The following MXD1 variants were observed in gnomAD, a reference collection of about 807,000 sequenced individuals.
MXD1 encodes the protein MAX-binding protein.
Under a neutral mutation model 25.7 loss-of-function variants are expected in MXD1, and 9 were observed. The ratio of observed to expected loss-of-function variants is 0.35; its 90% CI spans 0.21 to 0.61. The LOEUF (loss-of-function observed/expected upper bound fraction) is 0.61, where lower values mean the gene tolerates loss of function less well. Ranked by LOEUF, MXD1 falls within the 20% of genes least tolerant of loss-of-function variation. The pLI is 0.75. For missense variants in MXD1, 227 were observed against 292.4 expected (o/e 0.78, Z 1.63); for synonymous variants, 99 against 113.9 (o/e 0.87, Z 0.83).
At chr2:69,936,596 C>A (rs184266933) in intron 4 of MXD1, among the ~76,000 whole-genome samples, 23 of 152,268 alleles carry the variant, frequency 1.5e-4, no homozygotes, top group Non-Finnish European at 1.3e-4. Flanking sequence ...AGCAAAACAG[C>A]TACAATTAAA....
intron 2 of MXD1, among the ~76,000 whole-genome samples, chr2:69,920,570 T>A (rs548522104): frequency 5.9e-5 from 9 of 152,008 alleles, no homozygotes; most frequent in Non-Finnish European, 1.3e-4. Context: ...GTGCCCCTGA[T>A]GTAAATGAGT....
In MXD1 at chr2:69,942,669, C is replaced by T. The variant is rs779886955; in HGVS notation, c.*4385C>T. 1.3e-5 allele frequency: 2 copies of T among 152,164 alleles called. No individual in the cohort carries two copies. Among genetic ancestry groups the T allele is most frequent in the Non-Finnish European group, 2.9e-5 (2 of 68,042 alleles). 9.4% of individuals were successfully genotyped at this position (152,164 alleles called of 1,614,324 possible). On this transcript the variant is annotated 3_prime_UTR_variant, in exon 6 of 6. Coordinates refer to ENST00000264444, the MANE Select transcript of MXD1 (RefSeq NM_002357.4). ...TGGTGCTCTTGGAATATTGCTGTTACCATCATTTTTGGGGGGCCATCTTCC... is the reference window on the plus strand; with the variant it reads ...TGGTGCTCTTGGAATATTGCTGTTATCATCATTTTTGGGGGGCCATCTTCC...
chr2:69,927,377 A>G (rs1251759949), intron 3 of MXD1, among the ~76,000 whole-genome samples: 1 of 152,186 alleles, frequency 6.6e-6, no homozygotes, highest in Non-Finnish European at 1.5e-5. Flanking sequence ...ACATGGGGTA[A>G]GGTTATTACG....
rs1396924664 is a variant in MXD1 at position 69,940,929 on chromosome 2, C to T, written c.*2645C>T. ...CCTGATTCGCCAATTTGTCCTCTCT[C>T]ATTCACTGATCCACCAGCCTGACTG... On this transcript the variant is annotated 3_prime_UTR_variant, in exon 6 of 6. Transcript: ENST00000264444. 6.6e-6 allele frequency: 1 copy of T among 152,664 alleles called. No individual in the cohort carries two copies. Among genetic ancestry groups the T allele is most frequent in the Non-Finnish European group, 1.5e-5 (1 of 68,060 alleles). 9.5% of individuals were successfully genotyped at this position (152,664 alleles called of 1,614,324 possible). A position where few individuals can be genotyped will look rare whatever the true frequency, so the allele number is the denominator to read the frequency against.
rs188711237 is a variant in MXD1, at chr2:69,942,065, G to T, written c.*3781G>T. 3 of 152,068 alleles carry T rather than the reference G, an allele frequency of 2.0e-5. No individual in the cohort carries two copies. The highest frequency in any genetic ancestry group is 2.1e-4 in the South Asian group (1 of 4,832). The allele number at this position is 152,068 out of a possible 1,614,324, so 9.4% of individuals were successfully genotyped here. ...GTTTCTTCTTTGTTTCCCCAAGTTT[G>T]TCTGTCCCCCTTTGCCTTCCCTGAG... On this transcript the variant is annotated 3_prime_UTR_variant, in exon 6 of 6. Coordinates refer to ENST00000264444, the MANE Select transcript of MXD1 (RefSeq NM_002357.4).
chr2:69,933,440 T>C (rs558349041), intron 3 of MXD1, among the ~76,000 whole-genome samples: 2 of 152,196 alleles, frequency 1.3e-5, no homozygotes, highest in Non-Finnish European at 2.9e-5. Context: ...AGCACACCTG[T>C]AACATGAGTC....
At chr2:69,920,117 T>G (rs1048821285) in intron 2 of MXD1, among the ~76,000 whole-genome samples, 4 of 151,962 alleles carry the variant, frequency 2.6e-5, no homozygotes, top group African/African-American at 9.7e-5. Flanking sequence ...TTCAAGGGAG[T>G]AGCTGGGATT....
At chr2:69,918,717 GT>G (rs774769051) in intron 2 of MXD1, among the ~76,000 whole-genome samples, 7 of 151,584 alleles carry the variant, frequency 4.6e-5, no homozygotes, top group Non-Finnish European at 5.9e-5. Context: ...ATTTGGCTTA[GT>G]TTTTTTTTAT....
intron 2 of MXD1, among the ~76,000 whole-genome samples, chr2:69,920,431 T>A (rs774068960): frequency 1.4e-4 from 22 of 152,140 alleles, no homozygotes; most frequent in Non-Finnish European, 3.1e-4. Flanking sequence ...ATTCCTAAGA[T>A]CCCTGTGAAA....
chr2:69,932,420 G>C (rs1388543927), intron 3 of MXD1, among the ~76,000 whole-genome samples: 2 of 152,224 alleles, frequency 1.3e-5, no homozygotes, highest in Non-Finnish European at 2.9e-5. Flanking sequence ...ATGTCTGCAG[G>C]CAGTGGCATG....
intron 3 of MXD1, among the ~76,000 whole-genome samples, chr2:69,930,079 A>G (rs1487574281): frequency 1.3e-5 from 2 of 152,196 alleles, no homozygotes; most frequent in Non-Finnish European, 2.9e-5. Flanking sequence ...TTAAATTTGT[A>G]AACAAACTTG....
chr2:69,934,439 T>C (rs1677371990), intron 3 of MXD1, among the ~76,000 whole-genome samples: 3 of 152,252 alleles, frequency 2.0e-5, no homozygotes, highest in African/African-American at 7.2e-5. Flanking sequence ...TTGCCGTGGC[T>C]GCTGCTTCAT....
chr2:69,941,863 T>TATAC lies in MXD1; in HGVS notation c.*3580_*3581insTACA, dbSNP rs1553380705. 654 of 144,796 alleles carry TATAC rather than the reference T, an allele frequency of 4.5e-3. 3 individuals carry two copies. Among genetic ancestry groups the TATAC allele is most frequent in the African/African-American group, 0.016 (615 of 38,504 alleles). The allele number at this position is 144,796 out of a possible 1,614,324, so 9.0% of individuals were successfully genotyped here. ...CTTATTTTTGAAAAGTATCTATATA[T>TATAC]ACACACACACACACACACACACATA... On this transcript the variant is annotated 3_prime_UTR_variant, in exon 6 of 6. Transcript: ENST00000264444.
At chr2:69,934,931 A>T (rs1284131520) in intron 3 of MXD1, among the ~76,000 whole-genome samples, 1 of 152,186 alleles carries the variant, frequency 6.6e-6, no homozygotes, top group Non-Finnish European at 1.5e-5. Context: ...TTGACTTATG[A>T]TGGGGTTATG....
At chr2:69,917,017 T>G (rs868769837) in intron 2 of MXD1, among the ~76,000 whole-genome samples, 5 of 152,202 alleles carry the variant, frequency 3.3e-5, no homozygotes, top group Non-Finnish European at 4.4e-5. Flanking sequence ...GCTAGGAAAT[T>G]TGTTCTATTA....
intron 4 of MXD1, 115 bp downstream of exon 4, chr2:69,935,580 G>T: frequency 1.4e-6 from 1 of 699,038 alleles, no homozygotes; most frequent in South Asian, 1.6e-5. Context: ...GCTATTGGAT[G>T]AATCACAGGT....
chr2:69,931,309 T>G (rs2104192408), intron 3 of MXD1, among the ~76,000 whole-genome samples: 1 of 152,186 alleles, frequency 6.6e-6, no homozygotes, highest in East Asian at 1.9e-4. Flanking sequence ...CCATTAACCA[T>G]CCCCACCTCC....
chr2:69,937,972 C>A (rs1026230584), intron 5 of MXD1, 125 bp from the exon 6 acceptor site: 27 of 860,520 alleles, frequency 3.1e-5, no homozygotes, highest in Non-Finnish European at 4.3e-5. Flanking sequence ...GTCTCAAACT[C>A]CTAACCTCAA....
rs1012300637 is a variant in MXD1, at chr2:69,939,961, CAG to C, written c.*1679_*1680del. ...TCATTCTATACCCGAAGAGCAGTCT[CAG>C]AAAGCAAGATTACTTTTGTGTTTTT... On this transcript the variant is annotated 3_prime_UTR_variant, in exon 6 of 6. Transcript: ENST00000264444. 1 of 152,262 alleles carries C rather than the reference CAG, an allele frequency of 6.6e-6. No individual in the cohort carries two copies. Among genetic ancestry groups the C allele is most frequent in the Non-Finnish European group, 1.5e-5 (1 of 68,044 alleles). 9.4% of individuals were successfully genotyped at this position (152,262 alleles called of 1,614,324 possible). A position where few individuals can be genotyped will look rare whatever the true frequency, so the allele number is the denominator to read the frequency against.
Sources: gnomAD v4.1 joint callset for allele counts (sites outside exome capture counted in the v4.1 genomes callset) on GRCh38, gnomAD v4.1.1 for gene constraint, MANE v1.5 for transcripts, NCBI Gene and HGNC (gene_info 2026-07-23, HGNC 2026-07-21) for gene names.